Variants in ELL observed in about 807,000 individuals in gnomAD.
The protein encoded by ELL is elongation factor for RNA polymerase II.
A neutral mutation model predicts 64.0 loss-of-function variants in ELL; 18 were observed. The observed-to-expected ratio is 0.28, with a 90% CI of 0.19 to 0.42. ELL has a LOEUF of 0.42. ELL is among the 10% of genes least tolerant of loss of function. The pLI is 1.00. For missense variants in ELL, 797 were observed against 870.4 expected (o/e 0.92, Z 1.06); for synonymous variants, 399 against 376.2 (o/e 1.06, Z -0.70).
At chr19:18,456,699 T>A (rs1483210869) in intron 6 of ELL, among the ~76,000 whole-genome samples, 3 of 151,506 alleles carry the variant, frequency 2.0e-5, no homozygotes, top group Non-Finnish European at 1.5e-5. Context: ...ACAGATCGGG[T>A]TTGGACATCA....
chr19:18,481,105 C>T (rs547226405), intron 1 of ELL, among the ~76,000 whole-genome samples: 93 of 152,334 alleles, frequency 6.1e-4, no homozygotes, highest in Middle Eastern at 3.4e-3. Flanking sequence ...AGGCCACCTT[C>T]CTTTCTGCCC....
At chr19:18,473,123 G>A in intron 1 of ELL, 1 of 677,270 alleles carries the variant, frequency 1.5e-6, no homozygotes, top group Non-Finnish European at 2.7e-6. Flanking sequence ...AGGTAAGAAT[G>A]GGGCCTCCAG....
chr19:18,448,063 G>C (rs1568374549), intron 8 of ELL, among the ~76,000 whole-genome samples: 1 of 151,628 alleles, frequency 6.6e-6, no homozygotes. Context: ...TGGGATTAAA[G>C]GCATGAACCA....
chr19:18,487,979 G>A (rs962302916), intron 1 of ELL, among the ~76,000 whole-genome samples: 15 of 152,200 alleles, frequency 9.9e-5, no homozygotes, highest in Non-Finnish European at 1.9e-4. Context: ...TGTGCCTGCC[G>A]GCCCCACCTC....
chr19:18,456,971 A>C (rs562065868), intron 6 of ELL, among the ~76,000 whole-genome samples: 1 of 152,116 alleles, frequency 6.6e-6, no homozygotes, highest in Admixed American at 6.5e-5. Flanking sequence ...GAAAAAAAAA[A>C]AAAAACAGCT....
chr19:18,466,783 G>A (rs906149590), intron 2 of ELL, among the ~76,000 whole-genome samples: 1 of 152,180 alleles, frequency 6.6e-6, no homozygotes, highest in Non-Finnish European at 1.5e-5. Context: ...CATGAAGGGC[G>A]CTCAAATAGT....
intron 8 of ELL, among the ~76,000 whole-genome samples, chr19:18,447,180 C>G (rs1392142164): frequency 6.6e-6 from 1 of 152,252 alleles, no homozygotes; most frequent in African/African-American, 2.4e-5. Context: ...GAGCTTCCCC[C>G]AGGCCAGGCC....
Position 18,442,682 on chromosome 19 carries a change from T to C in ELL, c.*2070A>G, listed in dbSNP as rs1974319993. The stretch of plus-strand genomic sequence containing the variant: ...GCCAGGTTCAGTTCAGTGAAATTTA[T>C]TGGAGAATGAAAAAAGTCAGCATTC... On this transcript the variant is annotated 3_prime_UTR_variant, in exon 12 of 12. Coordinates refer to ENST00000262809, the MANE Select transcript of ELL (RefSeq NM_006532.4). 1.6e-5 allele frequency: 3 copies of C among 187,620 alleles called. No homozygotes were observed. The highest frequency in any genetic ancestry group is 1.7e-4 in the East Asian group (2 of 11,868). The allele number at this position is 187,620 out of a possible 1,614,324, so 11.6% of individuals were successfully genotyped here. A position where few individuals can be genotyped will look rare whatever the true frequency, so the allele number is the denominator to read the frequency against.
intron 1 of ELL, among the ~76,000 whole-genome samples, chr19:18,495,720 C>G (rs537855220): frequency 6.6e-6 from 1 of 152,218 alleles, no homozygotes; most frequent in African/African-American, 2.4e-5. Context: ...GCCCCCTGTA[C>G]GAGTGGCCAC....
intron 1 of ELL, among the ~76,000 whole-genome samples, chr19:18,488,445 T>G (rs1975461622): frequency 6.6e-6 from 1 of 152,188 alleles, no homozygotes; most frequent in Non-Finnish European, 1.5e-5. Context: ...GGGCATGTGC[T>G]GGCCAGGGCT....
At position 18,450,517 on chromosome 19, in the gene ELL, A is replaced by G; in HGVS notation, c.1425T>C (p.Pro475=). ...GGGCTCCGGGGGTGGCATGGGTGGC[A>G]GGTGCACAGTCTGGAAGCTGGGCCC... ...KPRAQLPDCA[P]ATHATPGAPA... The change falls in exon 8 of 12, where the codon CCT becomes CCC. Residue 475 remains proline, a synonymous_variant. Transcript: ENST00000262809. 2.5e-6 allele frequency: 4 copies of G among 1,613,192 alleles called. No homozygotes were observed. Among genetic ancestry groups the G allele is most frequent in the East Asian group, 2.2e-5 (1 of 44,864 alleles).
rs1443549415 is a variant in ELL at position 18,451,793 on chromosome 19, G to A, written c.870-145C>T. 4.8e-6 allele frequency: 3 copies of A among 622,772 alleles called. No individual in the cohort carries two copies. The African/African-American group carries it at 5.9e-5, about 12-fold the overall frequency. The allele number at this position is 622,772 out of a possible 1,614,324, so 38.6% of individuals were successfully genotyped here. ...TCCAGAGCAGGGCCAAGGGGTCACA[G>A]GAGCCTGGGCCTGAGGCCATCCTGC... On this transcript the variant is annotated intron_variant, in intron 6 of 11. Coordinates refer to ENST00000262809, the MANE Select transcript of ELL (RefSeq NM_006532.4).
chr19:18,470,775 G>C (rs1041752466), intron 2 of ELL, among the ~76,000 whole-genome samples: 1 of 152,210 alleles, frequency 6.6e-6, no homozygotes, highest in African/African-American at 2.4e-5. Context: ...AAACTGGCTG[G>C]GGTTTGGCAG....
intron 1 of ELL, among the ~76,000 whole-genome samples, chr19:18,492,313 G>A (rs1263963528): frequency 6.6e-6 from 1 of 152,228 alleles, no homozygotes; most frequent in Non-Finnish European, 1.5e-5. Flanking sequence ...TGCCCTATGT[G>A]CAAGGACGGC....
chr19:18,517,743 C>G (rs1976158924), intron 1 of ELL, among the ~76,000 whole-genome samples: 1 of 151,600 alleles, frequency 6.6e-6, no homozygotes. Context: ...AAAACTGGGC[C>G]AGGCACAATG....
chr19:18,512,138 G>C (rs918580388), intron 1 of ELL, among the ~76,000 whole-genome samples: 7 of 148,426 alleles, frequency 4.7e-5, no homozygotes, highest in African/African-American at 1.3e-4. Flanking sequence ...CTAGGCGACA[G>C]AGTAAGACTC....
chr19:18,505,378 G>C (rs1224094364), intron 1 of ELL, among the ~76,000 whole-genome samples: 2 of 152,192 alleles, frequency 1.3e-5, no homozygotes, highest in African/African-American at 4.8e-5. Flanking sequence ...CCACGGGCAA[G>C]GGCACCCGGC....
intron 4 of ELL, among the ~76,000 whole-genome samples, chr19:18,464,374 GA>G (rs761460909): frequency 1.6e-4 from 24 of 152,220 alleles, no homozygotes; most frequent in Middle Eastern, 3.4e-3. Flanking sequence ...TTTAAAAAAA[GA>G]AAAAACAAAA....
intron 10 of ELL, among the ~76,000 whole-genome samples, chr19:18,445,553 G>C (rs1974394918): frequency 6.7e-6 from 1 of 148,882 alleles, no homozygotes; most frequent in African/African-American, 2.5e-5. Context: ...GGTGGGGAGG[G>C]GGTGGGGGGG....
Sources: gnomAD v4.1 joint callset for allele counts (sites outside exome capture counted in the v4.1 genomes callset) on GRCh38, gnomAD v4.1.1 for gene constraint, MANE v1.5 for transcripts, NCBI Gene and HGNC (gene_info 2026-07-23, HGNC 2026-07-21) for gene names.